Variants in ITGA8 observed in about 807,000 individuals in gnomAD.
ITGA8 encodes integrin alpha-8.
A neutral mutation model predicts 142.3 loss-of-function variants in ITGA8; 91 were observed. That is an observed-to-expected ratio of 0.64 (90% CI 0.54 to 0.76). ITGA8 has a LOEUF of 0.76. Among genes scored for constraint, ITGA8 ranks in the 30% least tolerant of loss-of-function variants. The pLI is 0.00. For missense variants in ITGA8, 1,406 were observed against 1,327.7 expected, an observed-to-expected ratio of 1.06 and a Z score of -0.92; for synonymous variants, 505 against 485.2, an observed-to-expected ratio of 1.04 and a Z score of -0.54.
intron 28 of ITGA8, among the ~76,000 whole-genome samples, chr10:15,529,341 T>C (rs566248807): frequency 1.3e-5 from 2 of 152,348 alleles, no homozygotes; most frequent in South Asian, 4.1e-4. Flanking sequence ...TTTATACAGA[T>C]AATCTTATTG....
At chr10:15,654,468 C>T (rs1450307765) in intron 11 of ITGA8, among the ~76,000 whole-genome samples, 1 of 152,122 alleles carries the variant, frequency 6.6e-6, no homozygotes, top group Non-Finnish European at 1.5e-5. Flanking sequence ...CCAGCAGGTA[C>T]AAAAGGTATG....
chr10:15,590,717 A>C (rs1000098363), intron 22 of ITGA8, among the ~76,000 whole-genome samples: 1 of 152,194 alleles, frequency 6.6e-6, no homozygotes, highest in Non-Finnish European at 1.5e-5. Flanking sequence ...TAAACCTTTG[A>C]TATATTTTTA....
intron 20 of ITGA8, among the ~76,000 whole-genome samples, chr10:15,600,724 G>C (rs1291603186): frequency 6.6e-6 from 1 of 152,204 alleles, no homozygotes; most frequent in Admixed American, 6.5e-5. Flanking sequence ...GAGGTAAGGA[G>C]TTGGCAAGAC....
intron 25 of ITGA8, among the ~76,000 whole-genome samples, chr10:15,563,983 CA>C (rs1376153166): frequency 1.1e-4 from 16 of 151,990 alleles, no homozygotes; most frequent in African/African-American, 3.6e-4. Context: ...GTGGTTTCAT[CA>C]GATGTATCTT....
rs1835497235 is a variant in ITGA8 at position 15,718,619 on chromosome 10, TTTCTC to T, written c.343+142_343+146del. On this transcript the variant is annotated intron_variant, in intron 2 of 29. Coordinates refer to ENST00000378076, the MANE Select transcript of ITGA8 (RefSeq NM_003638.3). ...GTTAACTGAGAGTTGAAAAAACTGA[TTTCTC>T]TAGAGACCCACATAGCCCACAATAC... is the stretch of plus-strand genomic sequence containing the variant. The T allele has an allele frequency of 4.1e-6, 4 of 982,110 alleles. No individual in the cohort carries two copies. The East Asian group carries it at 9.6e-5, about 24-fold the overall frequency. The allele number at this position is 982,110 out of a possible 1,614,324, so 60.8% of individuals were successfully genotyped here. A position where few individuals can be genotyped will look rare whatever the true frequency, so the allele number is the denominator to read the frequency against.
At chr10:15,633,792 T>A (rs1755880322) in intron 13 of ITGA8, among the ~76,000 whole-genome samples, 2 of 152,150 alleles carry the variant, frequency 1.3e-5, no homozygotes, top group South Asian at 4.1e-4. Flanking sequence ...CCCCCCTCAC[T>A]CATATATCAC....
intron 22 of ITGA8, among the ~76,000 whole-genome samples, chr10:15,589,200 T>G (rs1832881574): frequency 6.6e-6 from 1 of 152,236 alleles, no homozygotes; most frequent in Non-Finnish European, 1.5e-5. Flanking sequence ...TTCACTTTAT[T>G]ACTCCAATGC....
chr10:15,567,382 T>C (rs1834099210), intron 25 of ITGA8, among the ~76,000 whole-genome samples: 1 of 152,178 alleles, frequency 6.6e-6, no homozygotes. Context: ...CACTCAACTC[T>C]AAAATTTTAT....
chr10:15,562,455 G>C (rs767625279), intron 25 of ITGA8, among the ~76,000 whole-genome samples: 1 of 152,172 alleles, frequency 6.6e-6, no homozygotes, highest in Non-Finnish European at 1.5e-5. Context: ...GGAGGTTATG[G>C]GGGCTTGTAA....
chr10:15,542,649 A>G (rs1564343656), intron 27 of ITGA8, among the ~76,000 whole-genome samples: 1 of 152,216 alleles, frequency 6.6e-6, no homozygotes, highest in African/African-American at 2.4e-5. Context: ...CTGTTATAGT[A>G]ATCTTTAGTT....
chr10:15,553,377 A>C (rs182717080), intron 26 of ITGA8, among the ~76,000 whole-genome samples: 2 of 150,756 alleles, frequency 1.3e-5, no homozygotes, highest in Admixed American at 1.3e-4. Context: ...ATTTGACTTA[A>C]GTTTAACTGA....
chr10:15,558,255 C>T (rs988487078), intron 25 of ITGA8, 53 bp from the exon 26 acceptor site: 1 of 1,603,468 alleles, frequency 6.2e-7, no homozygotes, highest in Non-Finnish European at 8.5e-7. Context: ...ACAGTTGCTA[C>T]ATTTTCTTTA....
At chr10:15,535,490 A>G (rs1371533332) in intron 27 of ITGA8, among the ~76,000 whole-genome samples, 1 of 152,174 alleles carries the variant, frequency 6.6e-6, no homozygotes, top group African/African-American at 2.4e-5. Flanking sequence ...AGGTTTGTAA[A>G]CACACCAATC....
intron 23 of ITGA8, among the ~76,000 whole-genome samples, chr10:15,575,940 CGT>C (rs34463146): frequency 0.44 from 64,850 of 148,634 alleles, 14,235 homozygotes; most frequent in East Asian, 0.56. Context: ...CATGTGAGAA[CGT>C]GTGTGTGTGT....
At chr10:15,687,058 A>G (rs1834845055) in intron 3 of ITGA8, among the ~76,000 whole-genome samples, 1 of 152,206 alleles carries the variant, frequency 6.6e-6, no homozygotes, top group Admixed American at 6.5e-5. Flanking sequence ...TATTAATGCA[A>G]AGACAACTCT....
intron 2 of ITGA8, among the ~76,000 whole-genome samples, chr10:15,694,230 T>A (rs992087198): frequency 7.2e-5 from 10 of 137,954 alleles, no homozygotes; most frequent in African/African-American, 2.4e-4. Flanking sequence ...ATCATATATA[T>A]GATAATATAT....
intron 13 of ITGA8, among the ~76,000 whole-genome samples, chr10:15,634,013 C>T (rs1724163396): frequency 6.6e-6 from 1 of 152,164 alleles, no homozygotes; most frequent in Non-Finnish European, 1.5e-5. Context: ...ACACACTTGA[C>T]ACATGTAATC....
intron 27 of ITGA8, among the ~76,000 whole-genome samples, chr10:15,535,187 G>C (rs571992653): frequency 1.3e-5 from 2 of 152,240 alleles, no homozygotes; most frequent in South Asian, 2.1e-4. Flanking sequence ...CAGGGCTCGG[G>C]ACCTGCAGCC....
intron 19 of ITGA8, among the ~76,000 whole-genome samples, chr10:15,604,876 T>A (rs1833166717): frequency 6.6e-6 from 1 of 152,074 alleles, no homozygotes; most frequent in Admixed American, 6.6e-5. Flanking sequence ...GCAGATACAA[T>A]AAGATCTTAA....
Sources: allele counts gnomAD v4.1 joint callset (sites outside exome capture counted in the v4.1 genomes callset), GRCh38; gene constraint gnomAD v4.1.1; transcripts MANE v1.5; gene names NCBI Gene and HGNC (gene_info 2026-07-23, HGNC 2026-07-21).